Variants in LINGO3 observed in about 807,000 individuals in gnomAD.
LINGO3 encodes the protein leucine rich repeat and Ig domain containing 3.
For missense variants in LINGO3, 750 were observed against 867.7 expected, an observed-to-expected ratio of 0.86 and a Z score of 1.70; for synonymous variants, 427 against 444.2, an observed-to-expected ratio of 0.96 and a Z score of 0.49.
chr19:2,290,608 A>T lies in LINGO3; in HGVS notation c.1169T>A (p.Leu390Gln). The T allele has an allele frequency of 1.3e-6, 2 of 1,589,204 alleles. No individual in the cohort carries two copies. The highest frequency in any genetic ancestry group is 1.7e-6 in the Non-Finnish European group (2 of 1,172,758). Residue 390 changes from leucine (L) to glutamine (Q), a missense_variant, in exon 1 of 1, where the codon CTG becomes CAG. Physicochemically the swap from Leu to Gln is moderately radical, Grantham distance 113. Coordinates refer to ENST00000585527, the Ensembl canonical transcript of LINGO3. This position sits in a 1 kb window ranked among gnomAD's most constrained non-coding sequence, Gnocchi z 6.0. ...CAGCACGGAGTCCGGCAGGTTTCGC[A>T]GCGCGTCGCCGCGCACCTCGGCCGG... is the stretch of plus-strand genomic sequence containing the variant.
the LINGO3 span, among the ~76,000 whole-genome samples, chr19:2,303,363 G>T: frequency 1.3e-5 from 2 of 152,174 alleles, no homozygotes; most frequent in African/African-American, 2.4e-5. Flanking sequence ...CTGTGGGGGG[G>T]GGGGTCTGTT....
chr19:2,290,650 A>G lies in LINGO3; in HGVS notation c.1127T>C (p.Leu376Pro), dbSNP rs1483222662. ...CTCGGCCGGGGTGGCGCAGGCCGGCAGCCGCCCGTCGAAGTTGAGGGTCTT... is the reference window on the plus strand; with the variant it reads ...CTCGGCCGGGGTGGCGCAGGCCGGCGGCCGCCCGTCGAAGTTGAGGGTCTT... Residue 376 changes from leucine (L) to proline (P), a missense_variant, in exon 1 of 1, where the codon CTG (leucine) becomes CCG (proline). Transcript: ENST00000585527. The surrounding 1 kb of genome is among the most constrained non-coding windows in gnomAD (Gnocchi z 6.0). 1.2e-6 allele frequency: 2 copies of G among 1,602,792 alleles called. No homozygotes were observed. The highest frequency in any genetic ancestry group is 4.5e-5 in the East Asian group (2 of 44,470).
the LINGO3 span, among the ~76,000 whole-genome samples, chr19:2,303,730 C>T: frequency 6.6e-6 from 1 of 152,256 alleles, no homozygotes; most frequent in East Asian, 1.9e-4. Flanking sequence ...GGCTGCACCT[C>T]CATCTCCAGA....
chr19:2,294,350 G>A (rs1036014645), upstream of LINGO3, among the ~76,000 whole-genome samples: 3 of 152,162 alleles, frequency 2.0e-5, no homozygotes, highest in East Asian at 1.9e-4. The surrounding 1 kb of genome is among the most constrained non-coding windows in gnomAD (Gnocchi z 4.3). Context: ...GACGCGCCCC[G>A]GGAGCTTCCA....
At chr19:2,289,807 GC>G in exon 1 of LINGO3, 1 of 523,450 alleles carries the variant, frequency 1.9e-6, no homozygotes, top group Non-Finnish European at 3.4e-6. Flanking sequence ...TTTAGAAAAC[GC>G]TTGAGAAACT....
chr19:2,297,052 A>G, the LINGO3 span, among the ~76,000 whole-genome samples: 2 of 151,344 alleles, frequency 1.3e-5, no homozygotes, highest in Non-Finnish European at 2.9e-5. Flanking sequence ...AGATCACGCC[A>G]CTGCACTCCA....
chr19:2,304,925 T>C, the LINGO3 span, among the ~76,000 whole-genome samples: 1 of 151,922 alleles, frequency 6.6e-6, no homozygotes, highest in African/African-American at 2.4e-5. Context: ...GCCAGGCTGG[T>C]CTCGAACTCC....
rs1488033197 is a variant in LINGO3 at position 2,290,411 on chromosome 19, G to C, written c.1366C>G (p.Arg456Gly). 4.4e-5 allele frequency: 63 copies of C among 1,424,860 alleles called. No homozygotes were observed. Among genetic ancestry groups the C allele is most frequent in the Non-Finnish European group, 5.7e-5 (62 of 1,097,312 alleles). The allele number at this position is 1,424,860 out of a possible 1,614,324, so 88.3% of individuals were successfully genotyped here. The change falls in exon 1 of 1, where the codon CGG (arginine) becomes GGG (glycine). Residue 456 changes from arginine to glycine, a missense_variant. By Grantham distance (125) the Arg-to-Gly change is moderately radical. Coordinates refer to ENST00000585527, the Ensembl canonical transcript of LINGO3. This position sits in a 1 kb window ranked among gnomAD's most constrained non-coding sequence, Gnocchi z 6.0. ...GTCCCCCCGGGGAGCACGCGCGCCC[G>C]GCCCGCGCTGGTGGCCGTCACCGGC...
the LINGO3 span, among the ~76,000 whole-genome samples, chr19:2,305,404 G>T: frequency 1.3e-5 from 2 of 152,134 alleles, no homozygotes; most frequent in Non-Finnish European, 2.9e-5. Flanking sequence ...AGAAGGCAGA[G>T]TGTGGCTGTG....
the LINGO3 span, among the ~76,000 whole-genome samples, chr19:2,302,287 C>T: frequency 6.6e-6 from 1 of 152,102 alleles, no homozygotes; most frequent in Non-Finnish European, 1.5e-5. Context: ...TCTCGAACTC[C>T]TGACCTCAGG....
chr19:2,304,198 C>G, the LINGO3 span, among the ~76,000 whole-genome samples: 1 of 152,196 alleles, frequency 6.6e-6, no homozygotes, highest in South Asian at 2.1e-4. Flanking sequence ...TGCCTGTGTG[C>G]CAGGCACTGG....
At chr19:2,289,175 G>C (rs1260723186), downstream of LINGO3, among the ~76,000 whole-genome samples, 1 of 151,074 alleles carries the variant, frequency 6.6e-6, no homozygotes, top group Non-Finnish European at 1.5e-5. Context: ...TGTGAGCTCT[G>C]TGTTCCGGGT....
At chr19:2,305,688 G>GT in the LINGO3 span, among the ~76,000 whole-genome samples, 12 of 152,208 alleles carry the variant, frequency 7.9e-5, no homozygotes, top group Non-Finnish European at 1.3e-4. Flanking sequence ...GAGAAGTGTG[G>GT]TAGCGGTCCC....
the LINGO3 span, among the ~76,000 whole-genome samples, chr19:2,307,514 A>G: frequency 6.6e-6 from 1 of 151,836 alleles, no homozygotes; most frequent in African/African-American, 2.4e-5. Context: ...TTCTGGTGCT[A>G]TTCAGACGCC....
downstream of LINGO3, among the ~76,000 whole-genome samples, chr19:2,288,557 C>T (rs2025486309): frequency 6.6e-6 from 1 of 152,204 alleles, no homozygotes; most frequent in Non-Finnish European, 1.5e-5. This position sits in a 1 kb window ranked among gnomAD's most constrained non-coding sequence, Gnocchi z 6.5. Flanking sequence ...GGGTGGCCAC[C>T]TCTCCCTTGT....
the LINGO3 span, among the ~76,000 whole-genome samples, chr19:2,303,622 T>C: frequency 3.3e-5 from 5 of 152,214 alleles, no homozygotes; most frequent in African/African-American, 1.2e-4. Context: ...AGCAAGAGCA[T>C]GGCGAGATCT....
upstream of LINGO3, among the ~76,000 whole-genome samples, chr19:2,293,264 C>T (rs2025543499): frequency 6.6e-6 from 1 of 152,010 alleles, no homozygotes; most frequent in South Asian, 2.1e-4. Flanking sequence ...CGGGATTTCA[C>T]CGTGTTAGCC....
chr19:2,300,876 C>A, the LINGO3 span, among the ~76,000 whole-genome samples: 231 of 152,318 alleles, frequency 1.5e-3, no homozygotes, highest in South Asian at 2.7e-3. Context: ...TCTCCCCAGG[C>A]TCTGTGAACA....
exon 1 of LINGO3, chr19:2,291,255 C>A (rs779441587): frequency 1.4e-5 from 23 of 1,612,024 alleles, no homozygotes; most frequent in Non-Finnish European, 1.9e-5. Context: ...CCTCCAGGGC[C>A]AGCAGCCCCG....
Sources: allele counts gnomAD v4.1 joint callset (sites outside exome capture counted in the v4.1 genomes callset), GRCh38; gene constraint gnomAD v4.1.1; non-coding constraint Gnocchi (gnomAD v3.1); transcripts MANE v1.5; gene names NCBI Gene and HGNC (gene_info 2026-07-23, HGNC 2026-07-21).